The following FGFRL1 variants were observed in gnomAD, a reference collection of about 807,000 sequenced individuals.
The protein encoded by FGFRL1 is fibroblast growth factor receptor like 1, also known as fibroblast growth factor receptor-like 1.
In FGFRL1, 24 loss-of-function variants were observed where a neutral mutation model predicts 36.8. That is an observed-to-expected ratio of 0.65 (90% CI 0.47 to 0.92). The LOEUF (loss-of-function observed/expected upper bound fraction) is 0.92. Among genes scored for constraint, FGFRL1 ranks in the 40% least tolerant of loss-of-function variants. The pLI, the probability that FGFRL1 is intolerant of heterozygous loss-of-function variation, is 0.00. For missense variants in FGFRL1, 785 were observed against 753.4 expected, an observed-to-expected ratio of 1.04 and a Z score of -0.49; for synonymous variants, 422 against 344.1, an observed-to-expected ratio of 1.23 and a Z score of -2.50.
chr4:1,023,512 C>A lies in FGFRL1; in HGVS notation c.353-129C>A. 1 of 838,882 alleles carries A rather than the reference C, an allele frequency of 1.2e-6. No individual in the cohort carries two copies. Among genetic ancestry groups the A allele is most frequent in the Non-Finnish European group, 1.9e-6 (1 of 514,444 alleles). The allele number at this position is 838,882 out of a possible 1,614,324, so 52.0% of individuals were successfully genotyped here. A position where few individuals can be genotyped will look rare whatever the true frequency, so the allele number is the denominator to read the frequency against. ...GATTCTGGGCTGTGGGTGTGTGGCG[C>A]AGCCCCCTGCCTGGGTGTCCAGGGC... On this transcript the variant is annotated intron_variant, in intron 3 of 6. Transcript: ENST00000510644. The surrounding 1 kb of genome is among the most constrained non-coding windows in gnomAD (Gnocchi z 6.0).
intron 2 of FGFRL1, among the ~76,000 whole-genome samples, chr4:1,014,782 C>A (rs1323946840): frequency 6.6e-6 from 1 of 152,200 alleles, no homozygotes; most frequent in Non-Finnish European, 1.5e-5. Context: ...CTGGGCCCAG[C>A]CCCTGCAAGG....
At position 1,023,823 on chromosome 4, in the gene FGFRL1, C is replaced by T. The variant is rs771210370; in HGVS notation, c.440C>T (p.Pro147Leu). ...EDPASQQWAR[P>L]RFTQPSKMRR... ...ACGCCACCCCACCCCGCAGCACGACCGCGCTTCACACAGCCCTCCAAGATG... is the reference window on the plus strand; with the variant it reads ...ACGCCACCCCACCCCGCAGCACGACTGCGCTTCACACAGCCCTCCAAGATG... The change falls in exon 5 of 7, where the codon CCG (proline) becomes CTG (leucine). Residue 147 changes from proline (P) to leucine (L), a missense_variant. Transcript: ENST00000510644. This position sits in a 1 kb window ranked among gnomAD's most constrained non-coding sequence, Gnocchi z 6.0. 1.9e-6 allele frequency: 3 copies of T among 1,579,060 alleles called. No homozygotes were observed. Among genetic ancestry groups the T allele is most frequent in the East Asian group, 2.3e-5 (1 of 43,324 alleles).
chr4:1,010,722 G>A (rs1179389522), upstream of FGFRL1, among the ~76,000 whole-genome samples: 1 of 152,100 alleles, frequency 6.6e-6, no homozygotes, highest in African/African-American at 2.4e-5. Flanking sequence ...CTGGAGGTGC[G>A]GCCTGGGAGC....
intron 2 of FGFRL1, among the ~76,000 whole-genome samples, chr4:1,018,422 C>T (rs1012968792): frequency 3.9e-5 from 6 of 152,176 alleles, no homozygotes; most frequent in African/African-American, 1.4e-4. Context: ...CGAGTCTAGT[C>T]CTCCATACCT....
At chr4:1,013,367 C>T (rs1047205227) in intron 2 of FGFRL1, among the ~76,000 whole-genome samples, 8 of 152,238 alleles carry the variant, frequency 5.3e-5, no homozygotes, top group Middle Eastern at 3.2e-3. Context: ...GCCCTTTGGG[C>T]GTGTTGACCA....
chr4:1,024,702 C>T (rs1404024659), intron 6 of FGFRL1, 38 bp downstream of exon 6: 1 of 1,546,348 alleles, frequency 6.5e-7, no homozygotes, highest in East Asian at 2.3e-5. Context: ...CATGCTGGTG[C>T]CCGGACCCGC....
In FGFRL1 at chr4:1,025,581, A is replaced by G. The variant is rs1716476150; in HGVS notation, c.*234A>G. ...ACACGTGCTCCCTGAAGGCACACGT[A>G]CGCACACACGCACATGCACAGATAT... On this transcript the variant is annotated 3_prime_UTR_variant, in exon 7 of 7. Transcript: ENST00000510644. The G allele has an allele frequency of 3.3e-6, 2 of 599,540 alleles. No homozygotes were observed. The highest frequency in any genetic ancestry group is 4.1e-5 in the South Asian group (2 of 48,550). The allele number at this position is 599,540 out of a possible 1,614,324, so 37.1% of individuals were successfully genotyped here.
chr4:1,019,531 C>T (rs1205493715), intron 2 of FGFRL1, among the ~76,000 whole-genome samples: 2 of 152,246 alleles, frequency 1.3e-5, no homozygotes, highest in African/African-American at 2.4e-5. Context: ...ACCTGGGGTG[C>T]GTCTGGGACC....
intron 2 of FGFRL1, among the ~76,000 whole-genome samples, chr4:1,018,135 C>T (rs1459766956): frequency 1.3e-5 from 2 of 152,128 alleles, no homozygotes; most frequent in African/African-American, 2.4e-5. Context: ...GGGCAGGCCG[C>T]AGGGGGTTCC....
Position 1,025,426 on chromosome 4 carries a change from G to A in FGFRL1, c.*79G>A, listed in dbSNP as rs531075308. 7.0e-5 allele frequency: 103 copies of A among 1,476,874 alleles called. No homozygotes were observed. The highest frequency in any genetic ancestry group is 4.4e-4 in the Admixed American group (20 of 45,700). The allele number at this position is 1,476,874 out of a possible 1,614,324, so 91.5% of individuals were successfully genotyped here. A position where few individuals can be genotyped will look rare whatever the true frequency, so the allele number is the denominator to read the frequency against. The stretch of plus-strand genomic sequence containing the variant: ...GAGGATGGAGGACGGAGCTGCAGAC[G>A]AAGGCAGGGGACCCATGGCGAGGAG... On this transcript the variant is annotated 3_prime_UTR_variant, in exon 7 of 7. Transcript: ENST00000510644.
Position 1,022,365 on chromosome 4 carries a change from C to A in FGFRL1, c.242C>A (p.Pro81Gln). Residue 81 changes from proline (P) to glutamine (Q), a missense_variant, in exon 3 of 7, where the codon CCG becomes CAG. Pro to Gln is a moderately conservative substitution (Grantham distance 76). Coordinates refer to ENST00000510644, the MANE Select transcript of FGFRL1 (RefSeq NM_001004356.3). ...HSGWSRFRVL[P>Q]QGLKVKQVER... ...GGCTGGAGCCGCTTCCGCGTGCTGC[C>A]GCAGGGGCTGAAGGTGAAGCAGGTG... The A allele has an allele frequency of 6.2e-7, 1 of 1,609,766 alleles. No individual in the cohort carries two copies. Among genetic ancestry groups the A allele is most frequent in the Non-Finnish European group, 8.5e-7 (1 of 1,178,824 alleles).
At position 1,025,500 on chromosome 4, in the gene FGFRL1, C is replaced by T. The variant is rs1716470807; in HGVS notation, c.*153C>T. ...CTGTGTGTGAGGCATAGCCCCTGGACACACACACACAGACACACACACTGC... is the reference window on the plus strand; with the variant it reads ...CTGTGTGTGAGGCATAGCCCCTGGATACACACACACAGACACACACACTGC... On this transcript the variant is annotated 3_prime_UTR_variant, in exon 7 of 7. Transcript: ENST00000510644. 1.3e-6 allele frequency: 1 copy of T among 786,062 alleles called. No homozygotes were observed. The highest frequency in any genetic ancestry group is 1.8e-5 in the African/African-American group (1 of 57,066). The allele number at this position is 786,062 out of a possible 1,614,324, so 48.7% of individuals were successfully genotyped here. A position where few individuals can be genotyped will look rare whatever the true frequency, so the allele number is the denominator to read the frequency against.
chr4:1,017,944 G>C (rs896008919), intron 2 of FGFRL1, among the ~76,000 whole-genome samples: 2 of 152,196 alleles, frequency 1.3e-5, no homozygotes, highest in Non-Finnish European at 2.9e-5. Flanking sequence ...GCCAGGCCTC[G>C]GGACACCACG....
At chr4:1,022,147 C>G in intron 2 of FGFRL1, 56 bp from the exon 3 acceptor site, 1 of 1,382,404 alleles carries the variant, frequency 7.2e-7, no homozygotes, top group Non-Finnish European at 9.6e-7. Flanking sequence ...TGACCGCCCC[C>G]CCGGCTCCGG....
rs1716554185 is a variant in FGFRL1, at chr4:1,026,636, T to A, written c.*1289T>A. On this transcript the variant is annotated 3_prime_UTR_variant, in exon 7 of 7. Transcript: ENST00000510644. ...TCCCCCTGACACAGAGAAGGGGCCT[T>A]GGTATTTATATTTAAGAAATGAAGA... The A allele has an allele frequency of 7.0e-6, 2 of 286,296 alleles. No individual in the cohort carries two copies. Among genetic ancestry groups the A allele is most frequent in the Admixed American group, 1.0e-4 (2 of 20,022 alleles). 17.7% of individuals were successfully genotyped at this position (286,296 alleles called of 1,614,324 possible).
Position 1,012,380 on chromosome 4 carries a change from G to T in FGFRL1, c.-16-90G>T, listed in dbSNP as rs537321806. ...GGCGGGGAGGGCCTGTGGGGAGGGC[G>T]GCCAGACCCCTGATCCCCGCGGCCC... is the stretch of plus-strand genomic sequence containing the variant. On this transcript the variant is annotated intron_variant, in intron 1 of 6. Transcript: ENST00000510644. 5.8e-5 allele frequency: 85 copies of T among 1,472,602 alleles called. No homozygotes were observed. The African/African-American group carries it at 1.2e-3, about 20-fold the overall frequency. 91.2% of individuals were successfully genotyped at this position (1,472,602 alleles called of 1,614,324 possible).
In FGFRL1 at chr4:1,025,390, A is replaced by G; in HGVS notation, c.*43A>G. On this transcript the variant is annotated 3_prime_UTR_variant, in exon 7 of 7. Coordinates refer to ENST00000510644, the MANE Select transcript of FGFRL1 (RefSeq NM_001004356.3). ...GTGGGCACGGGGGGGCCGGCCAGAC[A>G]GGCAGACTGGGAGGATGGAGGACGG... The G allele has an allele frequency of 6.6e-7, 1 of 1,508,410 alleles. No homozygotes were observed. The highest frequency in any genetic ancestry group is 8.9e-7 in the Non-Finnish European group (1 of 1,120,962). The allele number at this position is 1,508,410 out of a possible 1,614,324, so 93.4% of individuals were successfully genotyped here.
chr4:1,015,569 G>A (rs1291380627), intron 2 of FGFRL1, among the ~76,000 whole-genome samples: 1 of 152,210 alleles, frequency 6.6e-6, no homozygotes, highest in South Asian at 2.1e-4. Context: ...GTGGGTGGGG[G>A]TCTCCTTCCA....
intron 2 of FGFRL1, among the ~76,000 whole-genome samples, chr4:1,021,402 GC>G (rs1716171542): frequency 6.6e-6 from 1 of 152,106 alleles, no homozygotes; most frequent in Admixed American, 6.5e-5. Context: ...GAGCGGCAGT[GC>G]CCGTGGTCAG....
Sources: allele counts gnomAD v4.1 joint callset (sites outside exome capture counted in the v4.1 genomes callset), GRCh38; gene constraint gnomAD v4.1.1; non-coding constraint Gnocchi (gnomAD v3.1); transcripts MANE v1.5; gene names NCBI Gene and HGNC (gene_info 2026-07-23, HGNC 2026-07-21).